The following EPHA5 variants were observed in gnomAD, a reference collection of about 807,000 sequenced individuals.
The protein encoded by EPHA5 is EPH receptor A5.
A neutral mutation model predicts 105.0 loss-of-function variants in EPHA5; 60 were observed. The ratio of observed to expected loss-of-function variants is 0.57; its 90% CI spans 0.46 to 0.71. The LOEUF is 0.71. EPHA5 is among the 30% of genes least tolerant of loss of function. The probability of loss-of-function intolerance (pLI) is 0.00; values close to 1 mark genes in which losing one functional copy is unlikely to be tolerated. For missense variants in EPHA5, 1,218 were observed against 1,274.7 expected (o/e 0.96, Z 0.68); for synonymous variants, 513 against 449.1 (o/e 1.14, Z -1.80).
intron 5 of EPHA5, among the ~76,000 whole-genome samples, chr4:65,437,849 A>C (rs547770230): frequency 6.6e-6 from 1 of 152,026 alleles, no homozygotes; most frequent in Non-Finnish European, 1.5e-5. Flanking sequence ...AAATAATTAA[A>C]ATAATAAAAT....
intron 1 of EPHA5, among the ~76,000 whole-genome samples, chr4:65,664,981 C>A (rs1749844724): frequency 1.3e-5 from 2 of 151,728 alleles, no homozygotes; most frequent in African/African-American, 4.8e-5. Flanking sequence ...CCCCTGCTAA[C>A]TTAAATTGGA....
chr4:65,527,129 T>C (rs1735312070), intron 3 of EPHA5, among the ~76,000 whole-genome samples: 1 of 152,214 alleles, frequency 6.6e-6, no homozygotes, highest in South Asian at 2.1e-4. Flanking sequence ...CATTTGGCAG[T>C]ATCTGCCTAA....
intron 7 of EPHA5, among the ~76,000 whole-genome samples, chr4:65,408,127 C>T (rs1294000063): frequency 6.6e-6 from 1 of 151,852 alleles, no homozygotes; most frequent in Non-Finnish European, 1.5e-5. Context: ...TTTTGTTGGA[C>T]CTGAGGGCAT....
chr4:65,488,855 C>T (rs1265152877), intron 5 of EPHA5, among the ~76,000 whole-genome samples: 1 of 150,198 alleles, frequency 6.7e-6, no homozygotes, highest in Non-Finnish European at 1.5e-5. Context: ...CAATCAGTAG[C>T]AACTATCAAC....
chr4:65,655,533 G>T (rs1369427294), intron 1 of EPHA5, among the ~76,000 whole-genome samples: 2 of 152,080 alleles, frequency 1.3e-5, no homozygotes, highest in Non-Finnish European at 2.9e-5. Flanking sequence ...TGCAATAATA[G>T]TCTCTAAATC....
intron 14 of EPHA5, among the ~76,000 whole-genome samples, chr4:65,336,541 C>G (rs1721204079): frequency 6.6e-6 from 1 of 152,206 alleles, no homozygotes; most frequent in Middle Eastern, 3.4e-3. Context: ...TGCACAGCCA[C>G]ATTTTTAAAG....
intron 14 of EPHA5, among the ~76,000 whole-genome samples, chr4:65,345,271 C>T (rs750717617): frequency 7.2e-5 from 11 of 152,150 alleles, no homozygotes; most frequent in Non-Finnish European, 1.3e-4. Context: ...CCAATTTTAG[C>T]AATTTTAAGT....
chr4:65,626,245 G>T (rs192776663), intron 2 of EPHA5, among the ~76,000 whole-genome samples: 1 of 152,034 alleles, frequency 6.6e-6, no homozygotes, highest in African/African-American at 2.4e-5. Flanking sequence ...CACAAACAAT[G>T]AAAGAACAAA....
intron 2 of EPHA5, among the ~76,000 whole-genome samples, chr4:65,610,112 TA>T (rs200018426): frequency 6.6e-6 from 1 of 151,468 alleles, no homozygotes; most frequent in African/African-American, 2.4e-5. Context: ...GCGAACAGGA[TA>T]AAAAAATGTG....
In EPHA5 at chr4:65,323,048, G is replaced by T. The variant is rs149422043; in HGVS notation, c.*1066C>A. On this transcript the variant is annotated 3_prime_UTR_variant, in exon 17 of 17. Coordinates refer to ENST00000613740, the MANE Select transcript of EPHA5 (RefSeq NM_001281766.3). ...AAATGTGCCCTTCGGTGTCAACTTTGCTTGACAAGATACTTTTCAGGACTC... is the reference window on the plus strand; with the variant it reads ...AAATGTGCCCTTCGGTGTCAACTTTTCTTGACAAGATACTTTTCAGGACTC... 8.6e-4 allele frequency: 196 copies of T among 228,974 alleles called. No individual in the cohort carries two copies. In the East Asian group the frequency reaches 0.011, roughly 13 times the overall value. The allele number at this position is 228,974 out of a possible 1,614,324, so 14.2% of individuals were successfully genotyped here.
chr4:65,539,768 G>A (rs1346675476), intron 3 of EPHA5, among the ~76,000 whole-genome samples: 2 of 151,506 alleles, frequency 1.3e-5, no homozygotes, highest in African/African-American at 4.8e-5. Flanking sequence ...CACTGTCATT[G>A]TTATTGCTGT....
At chr4:65,463,109 T>C (rs58542110) in intron 5 of EPHA5, among the ~76,000 whole-genome samples, 26,559 of 152,140 alleles carry the variant, frequency 0.17, 2,602 homozygotes, top group African/African-American at 0.23. Flanking sequence ...ATTAAAACTG[T>C]ATCAATAACA....
At chr4:65,411,086 T>C (rs1175123297) in intron 7 of EPHA5, among the ~76,000 whole-genome samples, 2 of 152,008 alleles carry the variant, frequency 1.3e-5, no homozygotes, top group Non-Finnish European at 2.9e-5. Context: ...GGGGGTAATG[T>C]AAAAAATCAA....
intron 3 of EPHA5, among the ~76,000 whole-genome samples, chr4:65,582,334 T>G (rs553753017): frequency 3.1e-4 from 47 of 151,648 alleles, no homozygotes; most frequent in Non-Finnish European, 5.0e-4. Flanking sequence ...TTTTAAATTT[T>G]AGATCTGAAC....
chr4:65,552,322 C>G (rs766665489), intron 3 of EPHA5, among the ~76,000 whole-genome samples: 4 of 152,210 alleles, frequency 2.6e-5, no homozygotes, highest in Non-Finnish European at 1.5e-5. Flanking sequence ...TCTTTCCACA[C>G]GGTTTATCCG....
Position 65,332,139 on chromosome 4 carries a change from T to G in EPHA5, c.2790-11A>C. The G allele has an allele frequency of 6.4e-7, 1 of 1,564,488 alleles. No homozygotes were observed. Among genetic ancestry groups the G allele is most frequent in the Non-Finnish European group, 8.6e-7 (1 of 1,159,166 alleles). On this transcript the variant is annotated splice_polypyrimidine_tract_variant and intron_variant, in intron 15 of 16. Coordinates refer to ENST00000613740, the MANE Select transcript of EPHA5 (RefSeq NM_001281766.3). ...AATAAATTAGATACTCTAAAACACA[T>G]AAAACATAAATATTAAAAGTTACAA... is the stretch of plus-strand genomic sequence containing the variant.
At chr4:65,630,393 A>T (rs184424584) in intron 2 of EPHA5, among the ~76,000 whole-genome samples, 15 of 152,274 alleles carry the variant, frequency 9.9e-5, no homozygotes, top group Admixed American at 9.8e-4. Flanking sequence ...CAACTCCAGT[A>T]AATACACTGT....
intron 8 of EPHA5, among the ~76,000 whole-genome samples, chr4:65,398,994 G>A (rs1346219024): frequency 6.6e-6 from 1 of 152,106 alleles, no homozygotes. Flanking sequence ...TAACAAACAG[G>A]GCTAAAACAC....
At chr4:65,468,074 T>C (rs1437511857) in intron 5 of EPHA5, among the ~76,000 whole-genome samples, 1 of 152,290 alleles carries the variant, frequency 6.6e-6, no homozygotes, top group East Asian at 1.9e-4. Context: ...ACTTACAGAA[T>C]TTATGATAAT....
Sources: allele counts gnomAD v4.1 joint callset (sites outside exome capture counted in the v4.1 genomes callset), GRCh38; gene constraint gnomAD v4.1.1; transcripts MANE v1.5; gene names NCBI Gene and HGNC (gene_info 2026-07-23, HGNC 2026-07-21).